Variants in SLC25A21 observed in about 807,000 individuals in gnomAD.
The protein encoded by SLC25A21 is solute carrier family 25 member 21, also known as mitochondrial 2-oxodicarboxylate carrier.
In SLC25A21, 47 loss-of-function variants were observed where a neutral mutation model predicts 43.8. The ratio of observed to expected loss-of-function variants is 1.07; its 90% CI spans 0.85 to 1.37. The LOEUF is 1.37. Among genes scored for constraint, SLC25A21 ranks in the 40% most tolerant of loss-of-function variants. The pLI, the probability that SLC25A21 is intolerant of heterozygous loss-of-function variation, is 0.00. For missense variants in SLC25A21, 352 were observed against 350.2 expected (o/e 1.00, Z -0.04); for synonymous variants, 131 against 121.3 (o/e 1.08, Z -0.52).
chr14:36,985,364 T>TA (rs1256408702), intron 1 of SLC25A21, among the ~76,000 whole-genome samples: 2 of 151,458 alleles, frequency 1.3e-5, no homozygotes, highest in African/African-American at 2.4e-5. Flanking sequence ...AAGTATAATT[T>TA]AAAAAAAATG....
At chr14:36,735,929 A>ATTT (rs1885016849) in intron 3 of SLC25A21, among the ~76,000 whole-genome samples, 1 of 108,364 alleles carries the variant, frequency 9.2e-6, no homozygotes, top group Admixed American at 1.0e-4. Context: ...TTCTGGCCAC[A>ATTT]ATTTTTTTTT....
chr14:36,983,614 G>A (rs1960078809), intron 1 of SLC25A21, among the ~76,000 whole-genome samples: 1 of 152,172 alleles, frequency 6.6e-6, no homozygotes. Flanking sequence ...ACTACCTTTT[G>A]ATCCAGCAAT....
chr14:36,867,416 C>A (rs1471500176), intron 2 of SLC25A21, among the ~76,000 whole-genome samples: 3 of 152,080 alleles, frequency 2.0e-5, no homozygotes, highest in Non-Finnish European at 4.4e-5. Context: ...ATACTCACTT[C>A]TTCAACAACA....
At chr14:36,690,321 G>A (rs1882742896) in intron 7 of SLC25A21, among the ~76,000 whole-genome samples, 1 of 152,064 alleles carries the variant, frequency 6.6e-6, no homozygotes, top group East Asian at 1.9e-4. Flanking sequence ...TGTGCAAAAA[G>A]TGTACACAAA....
intron 1 of SLC25A21, 58 bp from the exon 2 acceptor site, chr14:36,875,062 CT>C (rs1249181144): frequency 6.9e-7 from 1 of 1,438,954 alleles, no homozygotes; most frequent in Non-Finnish European, 9.7e-7. Context: ...TTCTTATTTC[CT>C]TGATCCCGTC....
At chr14:37,083,766 C>A (rs1203943041) in intron 1 of SLC25A21, among the ~76,000 whole-genome samples, 1 of 152,154 alleles carries the variant, frequency 6.6e-6, no homozygotes, top group Non-Finnish European at 1.5e-5. Context: ...ACCCAGCCAT[C>A]TATGTTTAAC....
intron 3 of SLC25A21, among the ~76,000 whole-genome samples, chr14:36,776,442 G>A (rs895625150): frequency 6.6e-6 from 1 of 151,386 alleles, no homozygotes; most frequent in Admixed American, 6.6e-5. Context: ...GTTTCACCGG[G>A]TTAGCCAGGA....
At chr14:37,042,347 C>T (rs78694268) in intron 1 of SLC25A21, among the ~76,000 whole-genome samples, 1,651 of 152,210 alleles carry the variant, frequency 0.011, 35 homozygotes, top group African/African-American at 0.038. Flanking sequence ...GTTTCCAAAA[C>T]ACCCTCCAAT....
intron 7 of SLC25A21, among the ~76,000 whole-genome samples, chr14:36,710,556 G>C (rs1213204475): frequency 6.6e-6 from 1 of 151,926 alleles, no homozygotes; most frequent in Non-Finnish European, 1.5e-5. Flanking sequence ...TCAGCCTCCC[G>C]AGTAGCTTCA....
rs538526025 is a variant in SLC25A21, at chr14:37,003,050, G to C, written c.71-128046C>G. ...GTCTCCCCTTATCTATTGAGAATAT[G>C]TTCCGAGACCCCCCAGCGGATGCCT... On this transcript the variant is annotated intron_variant, in intron 1 of 9. Coordinates refer to ENST00000331299, the MANE Select transcript of SLC25A21 (RefSeq NM_030631.4). Among the ~76,000 whole-genome samples, 56 of 152,228 alleles carry C rather than the reference G, an allele frequency of 3.7e-4. 1 individual carries two copies. In the South Asian group the frequency reaches 0.011, roughly 30 times the overall value.
At chr14:37,126,388 A>T (rs1480533327) in intron 1 of SLC25A21, among the ~76,000 whole-genome samples, 9 of 151,934 alleles carry the variant, frequency 5.9e-5, no homozygotes, top group Admixed American at 4.6e-4. Flanking sequence ...TTGAGGTGTG[A>T]GTCAACATGC....
chr14:37,161,055 T>A (rs2138948444), intron 1 of SLC25A21, among the ~76,000 whole-genome samples: 2 of 150,884 alleles, frequency 1.3e-5, no homozygotes, highest in African/African-American at 4.9e-5. Context: ...CATAGCAGAG[T>A]AGGATGACTA....
intron 1 of SLC25A21, among the ~76,000 whole-genome samples, chr14:37,104,874 C>A (rs1228048691): frequency 1.3e-5 from 2 of 152,214 alleles, no homozygotes; most frequent in African/African-American, 4.8e-5. Flanking sequence ...GCCCACCCAT[C>A]TCATTTATCT....
At chr14:36,824,801 C>T (rs1888763034) in intron 2 of SLC25A21, among the ~76,000 whole-genome samples, 2 of 19,316 alleles carry the variant, frequency 1.0e-4, no homozygotes, top group African/African-American at 2.8e-4. Context: ...CTCTGGAATC[C>T]TAAAAAAAAA....
chr14:36,935,170 A>G (rs905995620), intron 1 of SLC25A21, among the ~76,000 whole-genome samples: 3 of 152,174 alleles, frequency 2.0e-5, no homozygotes, highest in African/African-American at 7.2e-5. Context: ...TAGAGTTTCT[A>G]ACTGCCCACA....
chr14:36,947,663 T>C (rs781349013), intron 1 of SLC25A21, among the ~76,000 whole-genome samples: 2 of 152,166 alleles, frequency 1.3e-5, no homozygotes, highest in African/African-American at 2.4e-5. Flanking sequence ...CTGATTTACT[T>C]TTGTGCCATT....
chr14:36,890,531 G>A (rs1276925896), intron 1 of SLC25A21, among the ~76,000 whole-genome samples: 1 of 152,070 alleles, frequency 6.6e-6, no homozygotes, highest in East Asian at 1.9e-4. Context: ...AATAAGAGAT[G>A]AAGTTAACAC....
At chr14:37,116,263 C>T (rs747921982) in intron 1 of SLC25A21, among the ~76,000 whole-genome samples, 7 of 152,140 alleles carry the variant, frequency 4.6e-5, no homozygotes, top group African/African-American at 1.4e-4. Flanking sequence ...ACCACATATA[C>T]AGACCTATGT....
chr14:37,040,289 A>AGGAAGGAAGGAC (rs1412453395), intron 1 of SLC25A21, among the ~76,000 whole-genome samples: 1 of 49,978 alleles, frequency 2.0e-5, no homozygotes. Flanking sequence ...GAAGGAAGGA[A>AGGAAGGAAGGAC]AGAGAGAGAA....
Sources: allele counts gnomAD v4.1 joint callset (sites outside exome capture counted in the v4.1 genomes callset), GRCh38; gene constraint gnomAD v4.1.1; transcripts MANE v1.5; gene names NCBI Gene and HGNC (gene_info 2026-07-23, HGNC 2026-07-21).